SMIM31: variants seen among roughly 807,000 people sequenced by gnomAD.
The protein encoded by SMIM31 is human epithelial cell program regulator.
At chr4:164,771,576 C>A (rs1329582512) in intron 2 of SMIM31, among the ~76,000 whole-genome samples, 1 of 151,434 alleles carries the variant, frequency 6.6e-6, no homozygotes, top group African/African-American at 2.4e-5. Flanking sequence ...CCGAGGCAGG[C>A]GGATCACGAG....
At chr4:164,794,156 C>T (rs1467279258) in intron 2 of SMIM31, among the ~76,000 whole-genome samples, 1 of 152,044 alleles carries the variant, frequency 6.6e-6, no homozygotes, top group African/African-American at 2.4e-5. Flanking sequence ...GCAGGTGGAT[C>T]ATTTGAGCCC....
intron 1 of SMIM31, among the ~76,000 whole-genome samples, chr4:164,766,168 A>G (rs896928236): frequency 2.0e-5 from 3 of 152,208 alleles, no homozygotes; most frequent in Admixed American, 6.5e-5. Context: ...ATCAATCCCA[A>G]CCATGCTGCC....
chr4:164,783,385 A>G (rs1358169309), intron 2 of SMIM31, among the ~76,000 whole-genome samples: 1 of 151,716 alleles, frequency 6.6e-6, no homozygotes, highest in Non-Finnish European at 1.5e-5. Context: ...TTTGCCAGGC[A>G]TGGTGGCAGG....
intron 2 of SMIM31, among the ~76,000 whole-genome samples, chr4:164,798,778 C>G (rs746841696): frequency 6.6e-6 from 1 of 152,154 alleles, no homozygotes; most frequent in South Asian, 2.1e-4. Context: ...TTGTAATCCC[C>G]GTTGTTGAAG....
intron 2 of SMIM31, among the ~76,000 whole-genome samples, chr4:164,796,509 G>A (rs1171976723): frequency 6.6e-6 from 1 of 152,118 alleles, no homozygotes; most frequent in Admixed American, 6.6e-5. Flanking sequence ...AACAACATCT[G>A]TAAACTGATG....
rs1190605577 is a variant in SMIM31 at position 164,757,030 on chromosome 4, C to T, written c.-26+2619C>T. Among the ~76,000 whole-genome samples the T allele has an allele frequency of 5.3e-5, 8 of 152,190 alleles. No homozygotes were observed. In the East Asian group the frequency reaches 9.6e-4, roughly 18 times the overall value. On this transcript the variant is annotated intron_variant, in intron 1 of 2. Coordinates refer to ENST00000507311, the MANE Select transcript of SMIM31 (RefSeq NM_001352885.1). The stretch of plus-strand genomic sequence containing the variant: ...TTTCAAAGGAATTGTATCATTTTAA[C>T]ACCCTAACATTGTATGAGCATTTCA...
At chr4:164,775,568 A>C (rs1732870997) in intron 2 of SMIM31, among the ~76,000 whole-genome samples, 1 of 152,150 alleles carries the variant, frequency 6.6e-6, no homozygotes, top group African/African-American at 2.4e-5. Flanking sequence ...TGATCTCTGG[A>C]TTTGAGGTGC....
chr4:164,763,111 G>A (rs560848566), intron 1 of SMIM31, among the ~76,000 whole-genome samples: 1 of 152,300 alleles, frequency 6.6e-6, no homozygotes, highest in African/African-American at 2.4e-5. Context: ...TTATGAAGGG[G>A]AAAAGAACTT....
chr4:164,793,580 T>C (rs186877647), intron 2 of SMIM31, among the ~76,000 whole-genome samples: 1 of 152,322 alleles, frequency 6.6e-6, no homozygotes, highest in East Asian at 1.9e-4. Flanking sequence ...TCTTGGCTTG[T>C]AGGCAGCCAC....
intron 2 of SMIM31, among the ~76,000 whole-genome samples, chr4:164,772,610 G>T (rs1490373619): frequency 3.4e-5 from 5 of 146,458 alleles, no homozygotes; most frequent in Admixed American, 2.7e-4. Flanking sequence ...ACGGAGTCTC[G>T]CTCTGTCGCC....
chr4:164,756,540 C>T (rs941808319), intron 1 of SMIM31, among the ~76,000 whole-genome samples: 22 of 150,394 alleles, frequency 1.5e-4, no homozygotes, highest in Non-Finnish European at 3.1e-4. Context: ...TCACTGCACT[C>T]GAGACTGGGG....
chr4:164,788,478 C>CTTTTTCTT (rs1733056135), intron 2 of SMIM31, among the ~76,000 whole-genome samples: 12 of 58,190 alleles, frequency 2.1e-4, no homozygotes, highest in African/African-American at 8.7e-4. Context: ...TCTAATTTTT[C>CTTTTTCTT]TTTTTTTTTT....
chr4:164,762,662 CAAAAAA>C lies in SMIM31; in HGVS notation c.-25-7741_-25-7736del, dbSNP rs1162067333. Among the ~76,000 whole-genome samples, 104 of 100,082 alleles carry C rather than the reference CAAAAAA, an allele frequency of 1.0e-3. No individual in the cohort carries two copies. The Middle Eastern group carries it at 0.015, about 15-fold the overall frequency. 65.7% of individuals were successfully genotyped at this position (100,082 alleles called of 152,430 possible). A position where few individuals can be genotyped will look rare whatever the true frequency, so the allele number is the denominator to read the frequency against. Reference sequence around the variant, plus strand: ...TGGGCAACAGAGTAAGACTCTGTCTCAAAAAAAAAAAAAAAAAAAAAGAAAAAGAAA... The same window carrying C: ...TGGGCAACAGAGTAAGACTCTGTCTCAAAAAAAAAAAAAAAGAAAAAGAAA... On this transcript the variant is annotated intron_variant, in intron 1 of 2. Coordinates refer to ENST00000507311, the MANE Select transcript of SMIM31 (RefSeq NM_001352885.1).
At chr4:164,762,880 C>G (rs1002592282) in intron 1 of SMIM31, among the ~76,000 whole-genome samples, 25 of 152,054 alleles carry the variant, frequency 1.6e-4, no homozygotes, top group African/African-American at 5.3e-4. Flanking sequence ...CTTTGAAGAA[C>G]ATGCAAAGGG....
intron 1 of SMIM31, among the ~76,000 whole-genome samples, chr4:164,755,753 T>G (rs1732553313): frequency 6.6e-6 from 1 of 152,086 alleles, no homozygotes; most frequent in Non-Finnish European, 1.5e-5. Flanking sequence ...CACACCAGTC[T>G]CTGGTGGGAC....
intron 1 of SMIM31, among the ~76,000 whole-genome samples, chr4:164,766,820 T>C (rs538159291): frequency 6.8e-6 from 1 of 147,144 alleles, no homozygotes; most frequent in African/African-American, 2.5e-5. Context: ...AGAAGAAAAA[T>C]GCAATGGAGA....
rs6832542 is a variant in SMIM31 at position 164,781,575 on chromosome 4, T to C, written c.112+11020T>C. Among the ~76,000 whole-genome samples, 1,145 of 152,308 alleles carry C rather than the reference T, an allele frequency of 7.5e-3. 19 individuals are homozygous for C. The highest frequency in any genetic ancestry group is 0.06 in the East Asian group (310 of 5,184). Reference sequence around the variant, plus strand: ...TTTTAGGCCAGATCATTCTTTGTTGTAGGGGGCTGTCCTAAGCATAGGAGG... The same window carrying C: ...TTTTAGGCCAGATCATTCTTTGTTGCAGGGGGCTGTCCTAAGCATAGGAGG... On this transcript the variant is annotated intron_variant, in intron 2 of 2. Coordinates refer to ENST00000507311, the MANE Select transcript of SMIM31 (RefSeq NM_001352885.1).
intron 2 of SMIM31, among the ~76,000 whole-genome samples, chr4:164,788,697 G>A (rs2110955273): frequency 6.6e-6 from 1 of 150,936 alleles, no homozygotes; most frequent in South Asian, 2.1e-4. Flanking sequence ...CCATGTTGAG[G>A]CTGGTATCGA....
chr4:164,789,693 G>A (rs1733075531), intron 2 of SMIM31, among the ~76,000 whole-genome samples: 2 of 152,124 alleles, frequency 1.3e-5, no homozygotes, highest in Admixed American at 6.5e-5. Context: ...TTAATCTGAC[G>A]CTTTGTCACA....
Sources: allele counts gnomAD v4.1 joint callset (sites outside exome capture counted in the v4.1 genomes callset), GRCh38; gene constraint gnomAD v4.1.1; transcripts MANE v1.5; gene names NCBI Gene and HGNC (gene_info 2026-07-23, HGNC 2026-07-21).